The following CNTNAP2 variants were observed in gnomAD, a reference collection of about 807,000 sequenced individuals.
The protein encoded by CNTNAP2 is contactin-associated protein-like 2.
CNTNAP2 carries 98 observed loss-of-function variants against 155.2 expected under a neutral mutation model. That is an observed-to-expected ratio of 0.63 (90% CI 0.54 to 0.75). CNTNAP2 has a LOEUF of 0.75. Ranked by LOEUF, CNTNAP2 falls within the 30% of genes least tolerant of loss-of-function variation. CNTNAP2 has a pLI of 0.00. For synonymous variants in CNTNAP2, 651 were observed against 631.2 expected, an observed-to-expected ratio of 1.03 and a Z score of -0.47; for missense variants, 1,727 against 1,688.1, an observed-to-expected ratio of 1.02 and a Z score of -0.40.
chr7:146,294,295 T>C (rs1261896417), intron 1 of CNTNAP2, among the ~76,000 whole-genome samples: 1 of 152,168 alleles, frequency 6.6e-6, no homozygotes, highest in Non-Finnish European at 1.5e-5. Flanking sequence ...CAAGTAACTT[T>C]TACCCAGAGC....
At chr7:147,632,086 A>G (rs1379329325) in intron 12 of CNTNAP2, among the ~76,000 whole-genome samples, 1 of 152,228 alleles carries the variant, frequency 6.6e-6, no homozygotes, top group Non-Finnish European at 1.5e-5. Context: ...TGTAGGTGAC[A>G]AAGCACTAAT....
chr7:146,834,033 A>T (rs1803567569), intron 2 of CNTNAP2, among the ~76,000 whole-genome samples: 1 of 151,968 alleles, frequency 6.6e-6, no homozygotes, highest in South Asian at 2.1e-4. Flanking sequence ...TTTTCAGCTG[A>T]TACTTATTTC....
At chr7:146,316,527 C>A (rs1303684509) in intron 1 of CNTNAP2, among the ~76,000 whole-genome samples, 6 of 151,702 alleles carry the variant, frequency 4.0e-5, no homozygotes, top group African/African-American at 1.5e-4. Flanking sequence ...GAATTAGGAC[C>A]CCGGGGGTGA....
chr7:147,455,369 A>T (rs1584957676), intron 10 of CNTNAP2, among the ~76,000 whole-genome samples: 1 of 152,164 alleles, frequency 6.6e-6, no homozygotes, highest in Non-Finnish European at 1.5e-5. Flanking sequence ...ATAAGGGGTA[A>T]ACAAAGACTT....
At chr7:146,220,812 G>GT (rs1221612507) in intron 1 of CNTNAP2, among the ~76,000 whole-genome samples, 1 of 152,178 alleles carries the variant, frequency 6.6e-6, no homozygotes, top group Non-Finnish European at 1.5e-5. Flanking sequence ...TGGAAACCTA[G>GT]TAGATCCATC....
intron 1 of CNTNAP2, among the ~76,000 whole-genome samples, chr7:146,532,848 G>T (rs564385778): frequency 3.3e-5 from 5 of 152,128 alleles, no homozygotes; most frequent in African/African-American, 7.2e-5. Context: ...ACTTTGGGAG[G>T]CCGAGGCGGG....
rs111883296 is a variant in CNTNAP2, at chr7:147,840,413, G to A, written c.2099-63152G>A. 4.0e-3 allele frequency among the ~76,000 whole-genome samples: 608 copies of A among 152,240 alleles called. 8 individuals are homozygous for A. Among genetic ancestry groups the A allele is most frequent in the East Asian group, 0.034 (176 of 5,176 alleles). On this transcript the variant is annotated intron_variant, in intron 13 of 23. Transcript: ENST00000361727. ...TCCCAGTTAAGAACCACTGGTGGGG[G>A]CAGAGGAAGGAGCCTATCTGCAGTT...
chr7:147,108,039 T>C (rs968146161), intron 4 of CNTNAP2, 108 bp from the exon 5 acceptor site: 11 of 993,956 alleles, frequency 1.1e-5, no homozygotes, highest in Non-Finnish European at 1.7e-5. Context: ...TGTCAATTTC[T>C]CAAGAAAAAC....
intron 16 of CNTNAP2, among the ~76,000 whole-genome samples, chr7:148,122,613 T>C (rs1045056874): frequency 2.1e-4 from 32 of 152,038 alleles, no homozygotes; most frequent in African/African-American, 7.2e-4. Context: ...AGCATCTGAC[T>C]CAACATGACC....
At chr7:148,057,328 G>C (rs545230049) in intron 15 of CNTNAP2, among the ~76,000 whole-genome samples, 1 of 152,148 alleles carries the variant, frequency 6.6e-6, no homozygotes, top group Non-Finnish European at 1.5e-5. Context: ...CAATAGCTTG[G>C]ATAGTCTGCG....
intron 1 of CNTNAP2, among the ~76,000 whole-genome samples, chr7:146,481,584 G>A (rs976731195): frequency 6.6e-6 from 1 of 152,154 alleles, no homozygotes; most frequent in Non-Finnish European, 1.5e-5. Flanking sequence ...TGGAATTATT[G>A]CAGTTATTTT....
At chr7:146,413,146 T>C (rs1563074750) in intron 1 of CNTNAP2, among the ~76,000 whole-genome samples, 1 of 152,208 alleles carries the variant, frequency 6.6e-6, no homozygotes, top group Non-Finnish European at 1.5e-5. Flanking sequence ...ACTTCTCTAG[T>C]ATTTTAAATG....
chr7:147,706,374 A>G (rs990636584), intron 13 of CNTNAP2, among the ~76,000 whole-genome samples: 9 of 151,526 alleles, frequency 5.9e-5, no homozygotes. Flanking sequence ...TTTCTCCTTC[A>G]TTTATGAATG....
At chr7:148,027,170 G>C (rs759831727) in intron 15 of CNTNAP2, among the ~76,000 whole-genome samples, 1 of 152,092 alleles carries the variant, frequency 6.6e-6, no homozygotes, top group Non-Finnish European at 1.5e-5. Flanking sequence ...GAAAATATTG[G>C]GTGTGTGGTC....
intron 1 of CNTNAP2, among the ~76,000 whole-genome samples, chr7:146,162,861 C>T (rs886860666): frequency 1.3e-5 from 2 of 152,164 alleles, no homozygotes; most frequent in Non-Finnish European, 2.9e-5. Context: ...TTTGAAGGGA[C>T]ATGGATGAAG....
intron 3 of CNTNAP2, among the ~76,000 whole-genome samples, chr7:146,887,377 A>G (rs1795689232): frequency 6.6e-6 from 1 of 151,912 alleles, no homozygotes; most frequent in South Asian, 2.1e-4. Context: ...AGGTTTCTCC[A>G]TGTTGGCCAG....
intron 14 of CNTNAP2, among the ~76,000 whole-genome samples, chr7:147,934,237 A>T (rs186941801): frequency 2.6e-4 from 39 of 152,348 alleles, no homozygotes; most frequent in African/African-American, 8.9e-4. Context: ...CTGCTGATAA[A>T]GATATACCCA....
chr7:148,370,279 T>A (rs934840119), intron 21 of CNTNAP2, among the ~76,000 whole-genome samples: 1 of 152,134 alleles, frequency 6.6e-6, no homozygotes, highest in African/African-American at 2.4e-5. Context: ...GTTCTATCCA[T>A]CTTTGTGACC....
intron 21 of CNTNAP2, among the ~76,000 whole-genome samples, chr7:148,362,252 C>T (rs958594609): frequency 6.6e-6 from 1 of 151,816 alleles, no homozygotes; most frequent in South Asian, 2.1e-4. Context: ...CTCACTATCA[C>T]GAGAACAGCA....
Sources: gnomAD v4.1 joint callset for allele counts (sites outside exome capture counted in the v4.1 genomes callset) on GRCh38, gnomAD v4.1.1 for gene constraint, MANE v1.5 for transcripts, NCBI Gene and HGNC (gene_info 2026-07-23, HGNC 2026-07-21) for gene names.